Variants in SUGCT observed in about 807,000 individuals in gnomAD.
SUGCT encodes succinyl-CoA:glutarate CoA-transferase.
A neutral mutation model predicts 55.0 loss-of-function variants in SUGCT; 41 were observed. That is an observed-to-expected ratio of 0.74 (90% CI 0.58 to 0.97). The LOEUF is 0.97. SUGCT is among the 50% of genes least tolerant of loss of function. The pLI is 0.00. For missense variants in SUGCT, 568 were observed against 547.8 expected, an observed-to-expected ratio of 1.04 and a Z score of -0.37; for synonymous variants, 187 against 200.4, an observed-to-expected ratio of 0.93 and a Z score of 0.56.
Position 40,334,943 on chromosome 7 carries a change from A to T in SUGCT, c.816+18088A>T, listed in dbSNP as rs1796592726. ...TTAATTTTTGTATAAGGCGTAAGGA[A>T]GGGATCCAGTTTCAGCTTTCTGCAT... is the stretch of plus-strand genomic sequence containing the variant. On this transcript the variant is annotated intron_variant, in intron 9 of 13. Transcript: ENST00000335693. 2.0e-5 allele frequency among the ~76,000 whole-genome samples: 3 copies of T among 152,216 alleles called. No homozygotes were observed. In the South Asian group the frequency reaches 6.2e-4, roughly 32 times the overall value.
intron 9 of SUGCT, among the ~76,000 whole-genome samples, chr7:40,439,072 A>ATGTGTGTGTGTG (rs367604896): frequency 1.9e-5 from 1 of 51,430 alleles, no homozygotes; most frequent in Non-Finnish European, 3.8e-5. Flanking sequence ...GTGTATATAT[A>ATGTGTGTGTGTG]TATATATATA....
intron 13 of SUGCT, among the ~76,000 whole-genome samples, chr7:40,846,516 A>G (rs1200601329): frequency 6.6e-6 from 1 of 152,150 alleles, no homozygotes; most frequent in Non-Finnish European, 1.5e-5. Context: ...TATGGGCCAT[A>G]TATTTTTCCA....
At chr7:40,822,457 G>C (rs537472700) in intron 13 of SUGCT, among the ~76,000 whole-genome samples, 3 of 152,198 alleles carry the variant, frequency 2.0e-5, no homozygotes, top group African/African-American at 7.2e-5. Context: ...CCTGTGTTGG[G>C]TGCATATATA....
At chr7:40,207,059 T>C (rs1233015996) in intron 6 of SUGCT, among the ~76,000 whole-genome samples, 1 of 151,836 alleles carries the variant, frequency 6.6e-6, no homozygotes, top group African/African-American at 2.4e-5. Context: ...ATTAGCCAAG[T>C]GTGGTGGTGC....
At chr7:40,254,995 G>C (rs867154842) in intron 7 of SUGCT, among the ~76,000 whole-genome samples, 2 of 151,236 alleles carry the variant, frequency 1.3e-5, no homozygotes, top group African/African-American at 2.4e-5. Flanking sequence ...AAGGTGGGGC[G>C]GGGGGAGCAT....
chr7:40,168,107 T>C (rs1784503593), intron 1 of SUGCT, among the ~76,000 whole-genome samples: 1 of 152,192 alleles, frequency 6.6e-6, no homozygotes, highest in Admixed American at 6.5e-5. Flanking sequence ...TACTACCTGA[T>C]TGGTTGGATG....
intron 12 of SUGCT, among the ~76,000 whole-genome samples, chr7:40,531,668 A>AT (rs563565976): frequency 6.6e-6 from 1 of 151,156 alleles, no homozygotes; most frequent in African/African-American, 2.4e-5. Flanking sequence ...ATGTATATAT[A>AT]TTTTTTTATT....
intron 8 of SUGCT, among the ~76,000 whole-genome samples, chr7:40,282,461 C>G (rs1052567679): frequency 2.7e-5 from 4 of 150,904 alleles, no homozygotes; most frequent in African/African-American, 9.8e-5. Flanking sequence ...GAGCTAGACG[C>G]TGTCTCAAAA....
the SUGCT span, among the ~76,000 whole-genome samples, chr7:41,027,944 GC>G: frequency 5.3e-4 from 81 of 152,304 alleles, no homozygotes; most frequent in East Asian, 0.014. Context: ...CTCTGTGCAA[GC>G]TGATGAACCC....
chr7:40,337,108 G>C (rs1796756481), intron 9 of SUGCT, among the ~76,000 whole-genome samples: 1 of 152,206 alleles, frequency 6.6e-6, no homozygotes, highest in South Asian at 2.1e-4. Flanking sequence ...ACTGTGGTCT[G>C]AGAGACAGTT....
chr7:40,963,285 A>G, the SUGCT span, among the ~76,000 whole-genome samples: 1 of 152,090 alleles, frequency 6.6e-6, no homozygotes, highest in Non-Finnish European at 1.5e-5. Flanking sequence ...TCTTTGGCCC[A>G]CTGAACAAGA....
At chr7:40,643,790 G>A (rs1195042726) in intron 12 of SUGCT, among the ~76,000 whole-genome samples, 1 of 152,178 alleles carries the variant, frequency 6.6e-6, no homozygotes, top group Non-Finnish European at 1.5e-5. Flanking sequence ...ACTAGGAAGG[G>A]AGGAAGCTTT....
At chr7:40,146,408 G>T (rs1788248206) in intron 1 of SUGCT, among the ~76,000 whole-genome samples, 1 of 152,214 alleles carries the variant, frequency 6.6e-6, no homozygotes, top group East Asian at 1.9e-4. Context: ...CACACACGCA[G>T]AAATATAGAG....
At chr7:40,347,842 A>C (rs1797403180) in intron 9 of SUGCT, among the ~76,000 whole-genome samples, 1 of 152,224 alleles carries the variant, frequency 6.6e-6, no homozygotes, top group African/African-American at 2.4e-5. Flanking sequence ...ATCATTTATG[A>C]TATTTCGTTG....
At chr7:40,456,060 C>G (rs550594019) in intron 10 of SUGCT, among the ~76,000 whole-genome samples, 1 of 152,088 alleles carries the variant, frequency 6.6e-6, no homozygotes, top group African/African-American at 2.4e-5. Context: ...GAGTCTTGCT[C>G]TATTGCCCAG....
chr7:40,951,216 A>G, the SUGCT span, among the ~76,000 whole-genome samples: 1 of 152,052 alleles, frequency 6.6e-6, no homozygotes, highest in Non-Finnish European at 1.5e-5. Context: ...GAATTTATCC[A>G]TTTCTTCTAG....
At chr7:40,663,823 AT>A (rs1313674683) in intron 12 of SUGCT, among the ~76,000 whole-genome samples, 4 of 152,168 alleles carry the variant, frequency 2.6e-5, no homozygotes, top group Non-Finnish European at 5.9e-5. Flanking sequence ...TTTATTAGAA[AT>A]GCAAATTCTT....
At chr7:40,566,044 T>G (rs2151675911) in intron 12 of SUGCT, among the ~76,000 whole-genome samples, 1 of 148,814 alleles carries the variant, frequency 6.7e-6, no homozygotes. Context: ...CTTCATAAAC[T>G]CAGGTGTTCC....
chr7:40,229,186 C>T (rs1788565369), intron 6 of SUGCT, among the ~76,000 whole-genome samples: 1 of 152,110 alleles, frequency 6.6e-6, no homozygotes. Flanking sequence ...GTCTTTGATT[C>T]TAGGCCTTTT....
Sources: allele counts gnomAD v4.1 joint callset (sites outside exome capture counted in the v4.1 genomes callset), GRCh38; gene constraint gnomAD v4.1.1; transcripts MANE v1.5; gene names NCBI Gene and HGNC (gene_info 2026-07-23, HGNC 2026-07-21).